Variants in LINGO2 observed in about 807,000 individuals in gnomAD.
The protein encoded by LINGO2 is leucine-rich repeat and immunoglobulin-like domain-containing nogo receptor-interacting protein 2.
In LINGO2, 14 loss-of-function variants were observed where a neutral mutation model predicts 30.6. That is an observed-to-expected ratio of 0.46 (90% CI 0.30 to 0.72). The LOEUF (loss-of-function observed/expected upper bound fraction) is 0.72. Ranked by LOEUF, LINGO2 falls within the 30% of genes least tolerant of loss-of-function variation. The probability of loss-of-function intolerance (pLI) is 0.07; values close to 1 mark genes in which losing one functional copy is unlikely to be tolerated. For missense variants in LINGO2, 729 were observed against 751.7 expected (o/e 0.97, Z 0.35); for synonymous variants, 317 against 288.5 (o/e 1.10, Z -1.00).
chr9:28,199,803 T>C (rs1820161626), intron 4 of LINGO2, among the ~76,000 whole-genome samples: 2 of 152,188 alleles, frequency 1.3e-5, no homozygotes, highest in African/African-American at 4.8e-5. Context: ...CATATCATTC[T>C]AGTGAATATA....
the LINGO2 span, among the ~76,000 whole-genome samples, chr9:28,840,007 G>GA: frequency 2.0e-4 from 31 of 152,142 alleles, no homozygotes; most frequent in African/African-American, 7.2e-4. Context: ...CCCAAGTGCA[G>GA]GCACACCCAA....
chr9:28,681,311 G>A, the LINGO2 span, among the ~76,000 whole-genome samples: 6 of 151,878 alleles, frequency 4.0e-5, no homozygotes, highest in South Asian at 4.2e-4. Flanking sequence ...GTTAATTGGC[G>A]GTTGGTAACC....
chr9:29,077,261 A>T, the LINGO2 span, among the ~76,000 whole-genome samples: 1 of 97,552 alleles, frequency 1.0e-5, no homozygotes, highest in East Asian at 2.6e-4. Flanking sequence ...TCTATACTTT[A>T]AAAAAAAAGA....
intron 1 of LINGO2, among the ~76,000 whole-genome samples, chr9:28,564,966 T>C (rs1377287013): frequency 6.6e-6 from 1 of 152,016 alleles, no homozygotes; most frequent in Non-Finnish European, 1.5e-5. Flanking sequence ...CAAGTTCTGA[T>C]ACATGTTATT....
At chr9:29,156,342 C>G in the LINGO2 span, among the ~76,000 whole-genome samples, 1 of 152,050 alleles carries the variant, frequency 6.6e-6, no homozygotes, top group South Asian at 2.1e-4. Flanking sequence ...TAAGAACTGA[C>G]AAGTTATATA....
intron 1 of LINGO2, among the ~76,000 whole-genome samples, chr9:28,534,435 A>C (rs1372984088): frequency 6.6e-6 from 1 of 152,204 alleles, no homozygotes; most frequent in African/African-American, 2.4e-5. Flanking sequence ...CCAGGAGTAC[A>C]TTTGGATCCT....
At chr9:28,479,110 T>C (rs1825833904) in intron 1 of LINGO2, among the ~76,000 whole-genome samples, 1 of 151,986 alleles carries the variant, frequency 6.6e-6, no homozygotes, top group South Asian at 2.1e-4. Context: ...CTCTTACTAA[T>C]GGCGAGGCAC....
chr9:28,928,991 G>A, the LINGO2 span, among the ~76,000 whole-genome samples: 2 of 152,172 alleles, frequency 1.3e-5, no homozygotes, highest in African/African-American at 4.8e-5. Context: ...AAATGTTCAT[G>A]AAATAACTGA....
At chr9:28,157,036 C>T (rs762490652) in intron 4 of LINGO2, among the ~76,000 whole-genome samples, 8 of 152,176 alleles carry the variant, frequency 5.3e-5, no homozygotes, top group Non-Finnish European at 1.0e-4. Flanking sequence ...ATTCTGGGTT[C>T]TGGAGGACAG....
the LINGO2 span, among the ~76,000 whole-genome samples, chr9:28,793,235 T>A: frequency 6.6e-6 from 1 of 152,094 alleles, no homozygotes; most frequent in Non-Finnish European, 1.5e-5. Context: ...AGAAACAATA[T>A]TTTTTAAATT....
the LINGO2 span, among the ~76,000 whole-genome samples, chr9:28,938,102 T>G: frequency 6.6e-6 from 1 of 152,218 alleles, no homozygotes; most frequent in South Asian, 2.1e-4. Context: ...GCCAGTTATC[T>G]CTTTTGTTCC....
chr9:28,597,921 T>G (rs184334154), intron 1 of LINGO2, among the ~76,000 whole-genome samples: 1 of 152,118 alleles, frequency 6.6e-6, no homozygotes, highest in East Asian at 1.9e-4. Flanking sequence ...TGTGGCATCA[T>G]GCCCAGCTAA....
chr9:29,209,413 CT>C, the LINGO2 span, among the ~76,000 whole-genome samples: 1 of 151,988 alleles, frequency 6.6e-6, no homozygotes, highest in Non-Finnish European at 1.5e-5. Flanking sequence ...CTATCACCCA[CT>C]TAAAAGTAAA....
At chr9:28,340,019 G>C (rs375082933) in intron 3 of LINGO2, among the ~76,000 whole-genome samples, 1 of 152,138 alleles carries the variant, frequency 6.6e-6, no homozygotes, top group African/African-American at 2.4e-5. Context: ...CCTTCAAGAA[G>C]AGTCTGGTCT....
chr9:28,522,805 C>A (rs186879125), intron 1 of LINGO2, among the ~76,000 whole-genome samples: 62 of 151,410 alleles, frequency 4.1e-4, no homozygotes, highest in East Asian at 3.7e-3. Flanking sequence ...GTACATAGAA[C>A]CTATGAAGGA....
At chr9:28,044,738 G>GA (rs1824339551) in intron 4 of LINGO2, among the ~76,000 whole-genome samples, 1 of 151,124 alleles carries the variant, frequency 6.6e-6, no homozygotes, top group East Asian at 2.0e-4. Flanking sequence ...AACTGGAAGG[G>GA]AAGAGAGTTA....
intron 2 of LINGO2, among the ~76,000 whole-genome samples, chr9:28,460,076 A>C (rs1017878306): frequency 6.6e-6 from 1 of 152,040 alleles, no homozygotes; most frequent in African/African-American, 2.4e-5. Context: ...TAATTTTTCC[A>C]ATCTGTAAAT....
At chr9:28,792,295 T>G in the LINGO2 span, among the ~76,000 whole-genome samples, 2 of 151,824 alleles carry the variant, frequency 1.3e-5, no homozygotes, top group Non-Finnish European at 2.9e-5. Context: ...AGATGGAAAA[T>G]GGACACTGAT....
At chr9:28,124,476 C>T (rs866146574) in intron 4 of LINGO2, among the ~76,000 whole-genome samples, 7 of 152,288 alleles carry the variant, frequency 4.6e-5, no homozygotes, top group Middle Eastern at 3.4e-3. Flanking sequence ...TATAATGATG[C>T]ATATTATACC....
Sources: gnomAD v4.1 joint callset for allele counts (sites outside exome capture counted in the v4.1 genomes callset) on GRCh38, gnomAD v4.1.1 for gene constraint, MANE v1.5 for transcripts, NCBI Gene and HGNC (gene_info 2026-07-23, HGNC 2026-07-21) for gene names.